PLEKHO2: variants seen among roughly 807,000 people sequenced by gnomAD.
The protein encoded by PLEKHO2 is pleckstrin homology domain containing O2, also known as pleckstrin homology domain-containing family O member 2.
A neutral mutation model predicts 32.7 loss-of-function variants in PLEKHO2; 20 were observed. The ratio of observed to expected loss-of-function variants is 0.61; its 90% CI spans 0.43 to 0.89. PLEKHO2 has a LOEUF of 0.89. Ranked by LOEUF, PLEKHO2 falls within the 40% of genes least tolerant of loss-of-function variation. PLEKHO2 has a pLI of 0.00. For missense variants in PLEKHO2, 568 were observed against 621.2 expected (o/e 0.91, Z 0.91); for synonymous variants, 247 against 246.3 (o/e 1.00, Z -0.03).
chr15:64,852,194 G>A (rs979320914), intron 2 of PLEKHO2, among the ~76,000 whole-genome samples: 1 of 152,106 alleles, frequency 6.6e-6, no homozygotes, highest in African/African-American at 2.4e-5. Context: ...CATCCCCCTG[G>A]CAGTAAATGA....
chr15:64,862,878 T>C (rs2084652536), intron 5 of PLEKHO2, among the ~76,000 whole-genome samples: 1 of 151,974 alleles, frequency 6.6e-6, no homozygotes, highest in Non-Finnish European at 1.5e-5. Context: ...CTGCACCCAT[T>C]AACTCGTCAT....
chr15:64,856,078 C>T (rs1181188411), intron 3 of PLEKHO2, among the ~76,000 whole-genome samples: 1 of 151,902 alleles, frequency 6.6e-6, no homozygotes, highest in South Asian at 2.1e-4. Flanking sequence ...CCCAGGGTAG[C>T]GGCTGGTATA....
chr15:64,847,887 G>C (rs1445756026), intron 1 of PLEKHO2, among the ~76,000 whole-genome samples: 3 of 152,156 alleles, frequency 2.0e-5, no homozygotes, highest in Non-Finnish European at 4.4e-5. Context: ...GAAGCATAGC[G>C]GTAGAGAGGC....
At chr15:64,855,087 T>C (rs1445311754) in intron 3 of PLEKHO2, 50 bp downstream of exon 3, 2 of 1,464,030 alleles carry the variant, frequency 1.4e-6, no homozygotes, top group South Asian at 1.2e-5. Context: ...CAGAGTCAGC[T>C]TGGGAGGCCT....
chr15:64,843,805 C>G (rs1378348695), intron 1 of PLEKHO2, among the ~76,000 whole-genome samples: 1 of 152,102 alleles, frequency 6.6e-6, no homozygotes, highest in African/African-American at 2.4e-5. Context: ...GTCTCGAACT[C>G]CTGACCTCAG....
At position 64,865,815 on chromosome 15, in the gene PLEKHO2, T is replaced by A. The variant is rs763020596; in HGVS notation, c.1400T>A (p.Leu467Gln). 1.2e-6 allele frequency: 2 copies of A among 1,613,610 alleles called. No homozygotes were observed. The highest frequency in any genetic ancestry group is 1.7e-4 in the Middle Eastern group (1 of 6,060). ...VLQEMRDLGE[L>Q]SQEAPGLREK... ...CAGGAAATGAGAGATTTGGGAGAGC[T>A]GAGCCAGGAAGCACCTGGGCTAAGG... The change falls in exon 6 of 6, where the codon CTG becomes CAG. Residue 467 changes from leucine to glutamine, a missense_variant. By Grantham distance (113) the Leu-to-Gln change is moderately radical (BLOSUM62 -2). Transcript: ENST00000323544.
At chr15:64,843,693 G>T (rs2084502383) in intron 1 of PLEKHO2, among the ~76,000 whole-genome samples, 1 of 151,372 alleles carries the variant, frequency 6.6e-6, no homozygotes, top group Admixed American at 6.6e-5. Flanking sequence ...CAATTCTCCT[G>T]CCTCAGCCTC....
chr15:64,847,467 T>A (rs1310049170), intron 1 of PLEKHO2, among the ~76,000 whole-genome samples: 1 of 152,184 alleles, frequency 6.6e-6, no homozygotes, highest in Non-Finnish European at 1.5e-5. Context: ...TGGGTACCTA[T>A]CAGTGAAGCA....
At chr15:64,851,490 A>G (rs1049832891) in intron 2 of PLEKHO2, among the ~76,000 whole-genome samples, 2 of 152,162 alleles carry the variant, frequency 1.3e-5, no homozygotes, top group Non-Finnish European at 2.9e-5. Context: ...TGTAAATGCA[A>G]TTTCAGGAAC....
intron 5 of PLEKHO2, among the ~76,000 whole-genome samples, chr15:64,862,378 G>A (rs2084647356): frequency 6.6e-6 from 1 of 152,064 alleles, no homozygotes; most frequent in South Asian, 2.1e-4. Context: ...AGCCACCTGG[G>A]CTTGTGATTG....
At chr15:64,851,494 CAGGA>C (rs2084568624) in intron 2 of PLEKHO2, among the ~76,000 whole-genome samples, 1 of 152,198 alleles carries the variant, frequency 6.6e-6, no homozygotes, top group East Asian at 1.9e-4. Context: ...AATGCAATTT[CAGGA>C]ACTTAACACT....
chr15:64,849,437 C>G (rs898726759), intron 2 of PLEKHO2, among the ~76,000 whole-genome samples: 18 of 145,404 alleles, frequency 1.2e-4, no homozygotes, highest in African/African-American at 4.5e-4. Context: ...TGAGCCACCA[C>G]GCCTGGCCCT....
intron 2 of PLEKHO2, among the ~76,000 whole-genome samples, chr15:64,853,433 C>T (rs1229330605): frequency 4.0e-5 from 6 of 151,640 alleles, no homozygotes; most frequent in East Asian, 2.0e-4. Context: ...CCCGCCACCA[C>T]GCCCGGCTAA....
rs1253655155 is a variant in PLEKHO2, at chr15:64,848,655, C to G, written c.75C>G (p.Ile25Met). The G allele has an allele frequency of 1.9e-6, 3 of 1,614,038 alleles. No homozygotes were observed. In the African/African-American group the frequency reaches 4.0e-5, roughly 22 times the overall value. Residue 25 changes from isoleucine (I) to methionine (M), a missense_variant, in exon 2 of 6, where the codon ATC becomes ATG. By Grantham distance (10) the Ile-to-Met change is conservative. Coordinates refer to ENST00000323544, the MANE Select transcript of PLEKHO2 (RefSeq NM_025201.5). ...AGATGGTGGACAAGGCTGGCTGGATCAAGAAGAGCAGTGGGGGCCTCCTGG... is the reference window on the plus strand; with the variant it reads ...AGATGGTGGACAAGGCTGGCTGGATGAAGAAGAGCAGTGGGGGCCTCCTGG... ...GAQMVDKAGW[I>M]KKSSGGLLGF... is the part of the protein sequence containing the mutation.
Position 64,841,999 on chromosome 15 carries a change from G to A in PLEKHO2, c.-18G>A, listed in dbSNP as rs1814193573. The A allele has an allele frequency of 8.0e-7, 1 of 1,246,170 alleles. No individual in the cohort carries two copies. Among genetic ancestry groups the A allele is most frequent in the Admixed American group, 4.2e-5 (1 of 24,046 alleles). The allele number at this position is 1,246,170 out of a possible 1,614,324, so 77.2% of individuals were successfully genotyped here. On this transcript the variant is annotated 5_prime_UTR_variant, in exon 1 of 6. Transcript: ENST00000323544. Reference sequence around the variant, plus strand: ...CTGGAAGCGAGTGGCGGAGCGGCGGGACCTCGGCGGACTCGCCATGGAGGA... The same window carrying A: ...CTGGAAGCGAGTGGCGGAGCGGCGGAACCTCGGCGGACTCGCCATGGAGGA...
At chr15:64,863,608 T>A (rs2084659949) in intron 5 of PLEKHO2, among the ~76,000 whole-genome samples, 1 of 151,844 alleles carries the variant, frequency 6.6e-6, no homozygotes, top group Non-Finnish European at 1.5e-5. Flanking sequence ...AGCCAGGTCC[T>A]GTGTATGTAT....
chr15:64,866,607 G>C lies in PLEKHO2; in HGVS notation c.*719G>C, dbSNP rs2084690302. On this transcript the variant is annotated 3_prime_UTR_variant, in exon 6 of 6. Coordinates refer to ENST00000323544, the MANE Select transcript of PLEKHO2 (RefSeq NM_025201.5). ...GCTATGATTGGAGGGCTTAGGTCTGGAGGATTCAAGAGTGGAAGAGGAATT... is the reference window on the plus strand; with the variant it reads ...GCTATGATTGGAGGGCTTAGGTCTGCAGGATTCAAGAGTGGAAGAGGAATT... 3.0e-6 allele frequency: 1 copy of C among 332,560 alleles called. No individual in the cohort carries two copies. Among genetic ancestry groups the C allele is most frequent in the African/African-American group, 2.2e-5 (1 of 46,300 alleles). The allele number at this position is 332,560 out of a possible 1,614,324, so 20.6% of individuals were successfully genotyped here. A position where few individuals can be genotyped will look rare whatever the true frequency, so the allele number is the denominator to read the frequency against.
chr15:64,859,952 C>A lies in PLEKHO2; in HGVS notation c.338C>A (p.Ala113Asp), dbSNP rs1437068832. The A allele has an allele frequency of 2.5e-6, 4 of 1,614,078 alleles. No homozygotes were observed. The part of the protein sequence containing the change: ...TGEEKESWIK[A>D]LNEGINRGKN... ...GAGGAGAAGGAATCCTGGATCAAAGCCCTCAATGAAGGGATTAACCGAGGC... is the reference window on the plus strand; with the variant it reads ...GAGGAGAAGGAATCCTGGATCAAAGACCTCAATGAAGGGATTAACCGAGGC... Residue 113 changes from alanine (A) to aspartate (D), a missense_variant, in exon 4 of 6, where the codon GCC becomes GAC. Coordinates refer to ENST00000323544, the MANE Select transcript of PLEKHO2 (RefSeq NM_025201.5).
At chr15:64,852,926 T>C (rs1315696701) in intron 2 of PLEKHO2, among the ~76,000 whole-genome samples, 1 of 151,904 alleles carries the variant, frequency 6.6e-6, no homozygotes, top group Non-Finnish European at 1.5e-5. Context: ...GGCAGGTGGA[T>C]CACTTGAGGT....
Sources: allele counts gnomAD v4.1 joint callset (sites outside exome capture counted in the v4.1 genomes callset), GRCh38; gene constraint gnomAD v4.1.1; transcripts MANE v1.5; gene names NCBI Gene and HGNC (gene_info 2026-07-23, HGNC 2026-07-21).